CRACD: variants seen among roughly 807,000 people sequenced by gnomAD.
CRACD encodes capping protein inhibiting regulator of actin dynamics.
CRACD carries 56 observed loss-of-function variants against 106.8 expected under a neutral mutation model. That is an observed-to-expected ratio of 0.52 (90% CI 0.42 to 0.66). The LOEUF (loss-of-function observed/expected upper bound fraction) is 0.66, where lower values mean the gene tolerates loss of function less well. CRACD is among the 30% of genes least tolerant of loss of function. CRACD has a pLI of 0.00. For missense variants in CRACD, 1,730 were observed against 1,623.2 expected (o/e 1.07, Z -1.13); for synonymous variants, 754 against 670.8 (o/e 1.12, Z -1.92).
chr4:56,239,821 A>G (rs1740256161), intron 2 of CRACD, among the ~76,000 whole-genome samples: 1 of 152,060 alleles, frequency 6.6e-6, no homozygotes, highest in Non-Finnish European at 1.5e-5. Flanking sequence ...TGTTAACACC[A>G]CCAGACTAAC....
intron 1 of CRACD, among the ~76,000 whole-genome samples, chr4:56,099,142 CAA>C (rs1733698557): frequency 6.6e-6 from 1 of 152,146 alleles, no homozygotes; most frequent in African/African-American, 2.4e-5. Flanking sequence ...TCTGAATAAT[CAA>C]AGTTTATTTT....
chr4:56,275,393 A>C (rs950431949), intron 3 of CRACD, among the ~76,000 whole-genome samples: 1 of 152,188 alleles, frequency 6.6e-6, no homozygotes, highest in Admixed American at 6.5e-5. Context: ...GTTCAAGGCT[A>C]TAGTGCGCTA....
intron 2 of CRACD, among the ~76,000 whole-genome samples, chr4:56,195,967 TC>T (rs1394306059): frequency 6.6e-6 from 1 of 152,208 alleles, no homozygotes; most frequent in African/African-American, 2.4e-5. Context: ...GTAGTTTCAT[TC>T]AGTATAAACA....
chr4:56,235,420 T>C (rs1242213436), intron 2 of CRACD, among the ~76,000 whole-genome samples: 1 of 152,258 alleles, frequency 6.6e-6, no homozygotes, highest in African/African-American at 2.4e-5. Context: ...GAGATTAGCA[T>C]GTTCTGTTGT....
At chr4:56,226,274 T>C (rs542129262) in intron 2 of CRACD, among the ~76,000 whole-genome samples, 1 of 152,306 alleles carries the variant, frequency 6.6e-6, no homozygotes, top group East Asian at 1.9e-4. Context: ...AACCATCTCA[T>C]TAGATGGGCA....
chr4:56,180,574 C>T lies in CRACD; in HGVS notation c.-189+1144C>T, dbSNP rs112658720. 5.3e-3 allele frequency among the ~76,000 whole-genome samples: 808 copies of T among 151,706 alleles called. 8 individuals carry two copies. Among genetic ancestry groups the T allele is most frequent in the African/African-American group, 0.018 (760 of 41,368 alleles). Reference sequence around the variant, plus strand: ...TATCATTATTTTGGCTGCAGATATCCGCCACTTACTTTTTGTAAGTTGTGG... The same window carrying T: ...TATCATTATTTTGGCTGCAGATATCTGCCACTTACTTTTTGTAAGTTGTGG... On this transcript the variant is annotated intron_variant, in intron 2 of 10. Transcript: ENST00000682029.
At chr4:56,234,775 A>G (rs1739863658) in intron 2 of CRACD, among the ~76,000 whole-genome samples, 1 of 152,194 alleles carries the variant, frequency 6.6e-6, no homozygotes, top group African/African-American at 2.4e-5. Flanking sequence ...GGTGGTATTG[A>G]TTAATTCCTT....
At chr4:56,175,151 T>C (rs1736531128) in intron 1 of CRACD, among the ~76,000 whole-genome samples, 1 of 152,194 alleles carries the variant, frequency 6.6e-6, no homozygotes, top group Non-Finnish European at 1.5e-5. Context: ...GATATCTGTT[T>C]GATACACTGA....
intron 8 of CRACD, among the ~76,000 whole-genome samples, chr4:56,322,141 G>A (rs1746143722): frequency 6.6e-6 from 1 of 152,150 alleles, no homozygotes; most frequent in African/African-American, 2.4e-5. Flanking sequence ...ATTTTTACTT[G>A]AGGGAAAAGG....
At position 56,307,627 on chromosome 4, in the gene CRACD, G is replaced by A; in HGVS notation, c.213G>A (p.Glu71=). Residue 71 remains glutamate, a synonymous_variant, in exon 5 of 11, where the codon GAG becomes GAA. Transcript: ENST00000682029. ...KANSGEASLE[E]DLFLTSPMEI... is the part of the protein sequence containing the mutation. ...ACAGTGGAGAGGCTAGCTTAGAAGA[G>A]GATCTGTTCCTGACCAGTCCCATGG... 1 of 1,614,172 alleles carries A rather than the reference G, an allele frequency of 6.2e-7. No homozygotes were observed. Among genetic ancestry groups the A allele is most frequent in the Non-Finnish European group, 8.5e-7 (1 of 1,180,042 alleles).
rs745664962 is a variant in CRACD, at chr4:56,324,198, C to T, written c.3473C>T (p.Thr1158Ile). ...CTGCCAGAAGAGAAGAGGCCCGAGA[C>T]TGCAGTGTCCAGGCTTGAGCGCAGA... is the stretch of plus-strand genomic sequence containing the variant. Reference protein sequence around the residue: ...TALPEEKRPETAVSRLERREQ... With the variant: ...TALPEEKRPEIAVSRLERREQ... The change falls in exon 10 of 11, where the codon ACT becomes ATT. Residue 1158 changes from threonine (T) to isoleucine (I), a missense_variant. Transcript: ENST00000682029. The T allele has an allele frequency of 6.2e-7, 1 of 1,614,228 alleles. No homozygotes were observed. Among genetic ancestry groups the T allele is most frequent in the Non-Finnish European group, 8.5e-7 (1 of 1,180,012 alleles).
intron 2 of CRACD, among the ~76,000 whole-genome samples, chr4:56,251,723 C>G (rs1741064579): frequency 6.6e-6 from 1 of 152,144 alleles, no homozygotes; most frequent in African/African-American, 2.4e-5. Flanking sequence ...CTGGCTTTGG[C>G]AATGTCAGAG....
intron 3 of CRACD, among the ~76,000 whole-genome samples, chr4:56,284,292 TA>T (rs59270238): frequency 8.8e-5 from 4 of 45,472 alleles, no homozygotes; most frequent in East Asian, 1.2e-3. Flanking sequence ...CATCCTAAAG[TA>T]AAAAAAAAAA....
Position 56,308,811 on chromosome 4 carries a change from C to T in CRACD, c.285+1112C>T, listed in dbSNP as rs1744933611. On this transcript the variant is annotated intron_variant, in intron 5 of 10. Coordinates refer to ENST00000682029, the MANE Select transcript of CRACD (RefSeq NM_001393381.1). ...CCTCTCCAGTGCTAGGCAGAAGCAA[C>T]AGCCATCGCCTTGGTGCAGGGGTAT... 12 of 1,277,872 alleles carry T rather than the reference C, an allele frequency of 9.4e-6. 1 individual carries two copies. Among genetic ancestry groups the T allele is most frequent in the South Asian group, 8.8e-5 (7 of 79,470 alleles). The allele number at this position is 1,277,872 out of a possible 1,614,324, so 79.2% of individuals were successfully genotyped here.
chr4:56,211,692 G>A (rs539979556), intron 2 of CRACD, among the ~76,000 whole-genome samples: 22 of 152,298 alleles, frequency 1.4e-4, no homozygotes, highest in African/African-American at 2.2e-4. Flanking sequence ...ATTGGGGAGC[G>A]CGTGCTGATT....
intron 2 of CRACD, among the ~76,000 whole-genome samples, chr4:56,239,013 C>T (rs747795253): frequency 4.6e-5 from 7 of 152,234 alleles, no homozygotes; most frequent in East Asian, 1.9e-4. Flanking sequence ...GCACTTCAGG[C>T]GGGGTGCAAT....
intron 2 of CRACD, among the ~76,000 whole-genome samples, chr4:56,204,759 C>T (rs917361204): frequency 1.3e-5 from 2 of 152,158 alleles, no homozygotes; most frequent in African/African-American, 4.8e-5. Context: ...CAGTTCCTGG[C>T]TAGCTTTACT....
At chr4:56,128,586 T>A (rs1178168959) in intron 1 of CRACD, among the ~76,000 whole-genome samples, 4 of 152,172 alleles carry the variant, frequency 2.6e-5, no homozygotes, top group Non-Finnish European at 4.4e-5. Flanking sequence ...AATTTTTATT[T>A]TTATGAAATT....
chr4:56,132,713 G>A (rs1332725445), intron 1 of CRACD, among the ~76,000 whole-genome samples: 2 of 152,070 alleles, frequency 1.3e-5, no homozygotes, highest in African/African-American at 2.4e-5. Flanking sequence ...CATACTGTAA[G>A]CTTCTAGAGG....
Sources: allele counts gnomAD v4.1 joint callset (sites outside exome capture counted in the v4.1 genomes callset), GRCh38; gene constraint gnomAD v4.1.1; transcripts MANE v1.5; gene names NCBI Gene and HGNC (gene_info 2026-07-23, HGNC 2026-07-21).